Variants in NCK2 observed in about 807,000 individuals in gnomAD.
NCK2 encodes cytoplasmic protein NCK2.
Under a neutral mutation model 33.9 loss-of-function variants are expected in NCK2, and 16 were observed. The ratio of observed to expected loss-of-function variants is 0.47; its 90% CI spans 0.32 to 0.72. NCK2 has a LOEUF of 0.72. Ranked by LOEUF, NCK2 falls within the 30% of genes least tolerant of loss-of-function variation. NCK2 has a pLI of 0.03. For missense variants in NCK2, 418 were observed against 537.3 expected, an observed-to-expected ratio of 0.78 and a Z score of 2.19; for synonymous variants, 273 against 239.9, an observed-to-expected ratio of 1.14 and a Z score of -1.27.
At chr2:105,823,400 G>T (rs1448751276) in intron 2 of NCK2, among the ~76,000 whole-genome samples, 5 of 151,998 alleles carry the variant, frequency 3.3e-5, no homozygotes, top group South Asian at 2.1e-4. Flanking sequence ...CGTGCTGCAG[G>T]TGCCTCACTG....
chr2:105,760,499 C>T (rs980352815), intron 1 of NCK2, among the ~76,000 whole-genome samples: 1 of 152,220 alleles, frequency 6.6e-6, no homozygotes, highest in Non-Finnish European at 1.5e-5. Flanking sequence ...TCACCTCCAT[C>T]CTTGCCGTTC....
At chr2:105,891,800 G>T (rs562337098) in intron 4 of NCK2, among the ~76,000 whole-genome samples, 1 of 151,950 alleles carries the variant, frequency 6.6e-6, no homozygotes, top group Non-Finnish European at 1.5e-5. Flanking sequence ...ACCTGCCTTG[G>T]CCTCCCAAAG....
chr2:105,890,254 TAAATTAA>T (rs1270226027), intron 4 of NCK2, among the ~76,000 whole-genome samples: 1 of 152,194 alleles, frequency 6.6e-6, no homozygotes. Context: ...ACCATGATGT[TAAATTAA>T]GGAGCTTGAA....
At chr2:105,888,143 T>G (rs974721772) in intron 4 of NCK2, among the ~76,000 whole-genome samples, 18 of 152,192 alleles carry the variant, frequency 1.2e-4, no homozygotes, top group Non-Finnish European at 2.4e-4. Context: ...GAGGTTGGTT[T>G]TCCGCCAACC....
chr2:105,839,105 C>T (rs1381902023), intron 2 of NCK2, among the ~76,000 whole-genome samples: 1 of 152,002 alleles, frequency 6.6e-6, no homozygotes, highest in Non-Finnish European at 1.5e-5. Context: ...GCGGCTTGAA[C>T]AAAGTAACAG....
At chr2:105,796,982 G>C (rs1381062698) in intron 1 of NCK2, among the ~76,000 whole-genome samples, 1 of 152,176 alleles carries the variant, frequency 6.6e-6, no homozygotes. Flanking sequence ...GCTGGGGTGA[G>C]TGTTTGCTGT....
chr2:105,876,063 G>A (rs1298156153), intron 3 of NCK2, among the ~76,000 whole-genome samples: 1 of 152,048 alleles, frequency 6.6e-6, no homozygotes, highest in Non-Finnish European at 1.5e-5. Context: ...TACTTTGTGA[G>A]AAAATGCTGC....
intron 2 of NCK2, among the ~76,000 whole-genome samples, chr2:105,836,477 G>A (rs1676442224): frequency 6.6e-6 from 1 of 152,152 alleles, no homozygotes; most frequent in African/African-American, 2.4e-5. Context: ...GACAGTGGGT[G>A]GGCTGGTTTT....
chr2:105,814,921 A>C (rs981169440), intron 1 of NCK2, among the ~76,000 whole-genome samples: 24 of 152,264 alleles, frequency 1.6e-4, no homozygotes, highest in African/African-American at 4.1e-4. Context: ...AATCTTAACA[A>C]CACAACTTAA....
intron 2 of NCK2, among the ~76,000 whole-genome samples, chr2:105,839,288 C>A (rs1676547949): frequency 2.0e-5 from 3 of 152,092 alleles, no homozygotes; most frequent in Admixed American, 2.0e-4. Context: ...AGAGGACTGA[C>A]ACAAATACCT....
intron 2 of NCK2, among the ~76,000 whole-genome samples, chr2:105,831,749 G>A (rs966252568): frequency 5.9e-5 from 9 of 152,020 alleles, no homozygotes; most frequent in African/African-American, 1.4e-4. Flanking sequence ...TCCCTTTGTC[G>A]ATGTGTCTGT....
intron 2 of NCK2, among the ~76,000 whole-genome samples, chr2:105,819,650 C>G (rs1675647247): frequency 6.6e-6 from 1 of 152,158 alleles, no homozygotes; most frequent in African/African-American, 2.4e-5. Context: ...ACACGGGTGC[C>G]ACGTAGACAA....
At chr2:105,840,400 G>A (rs1419584597) in intron 2 of NCK2, among the ~76,000 whole-genome samples, 3 of 152,154 alleles carry the variant, frequency 2.0e-5, no homozygotes, top group Non-Finnish European at 4.4e-5. Flanking sequence ...GAAAAAATAT[G>A]CAGTTTCTCC....
chr2:105,872,586 AG>A (rs1678061256), intron 3 of NCK2, among the ~76,000 whole-genome samples: 2 of 152,198 alleles, frequency 1.3e-5, no homozygotes, highest in East Asian at 3.9e-4. Context: ...GAGGCTGGGT[AG>A]GTTCTTCACA....
At chr2:105,883,482 C>T (rs1678591663) in intron 4 of NCK2, among the ~76,000 whole-genome samples, 2 of 152,134 alleles carry the variant, frequency 1.3e-5, no homozygotes, top group Admixed American at 6.5e-5. Context: ...AGAAGGAAGT[C>T]CTGCAGTGTG....
chr2:105,868,942 G>C (rs1677867186), intron 3 of NCK2, among the ~76,000 whole-genome samples: 1 of 152,192 alleles, frequency 6.6e-6, no homozygotes, highest in Non-Finnish European at 1.5e-5. Flanking sequence ...TTGGAGGCTG[G>C]AGCCCAGTTC....
intron 2 of NCK2, among the ~76,000 whole-genome samples, chr2:105,834,552 A>G (rs1377957977): frequency 6.7e-6 from 1 of 150,166 alleles, no homozygotes; most frequent in African/African-American, 2.4e-5. Context: ...TTTATAGGTA[A>G]TGTTTTTTGT....
chr2:105,843,395 G>GAAAAAAAAAAAA (rs5833154), intron 2 of NCK2, among the ~76,000 whole-genome samples: 1 of 131,930 alleles, frequency 7.6e-6, no homozygotes, highest in Non-Finnish European at 1.6e-5. Context: ...GGTCCCATAA[G>GAAAAAAAAAAAA]AAAAAAAAAA....
At chr2:105,831,934 A>G (rs1480007124) in intron 2 of NCK2, among the ~76,000 whole-genome samples, 3 of 152,162 alleles carry the variant, frequency 2.0e-5, no homozygotes, top group African/African-American at 7.2e-5. Flanking sequence ...TGAAAAAGTC[A>G]CTGATATATT....
Sources: allele counts gnomAD v4.1 joint callset (sites outside exome capture counted in the v4.1 genomes callset), GRCh38; gene constraint gnomAD v4.1.1; transcripts MANE v1.5; gene names NCBI Gene and HGNC (gene_info 2026-07-23, HGNC 2026-07-21).